MACROD2: variants seen among roughly 807,000 people sequenced by gnomAD.
The protein encoded by MACROD2 is mono-ADP ribosylhydrolase 2.
Under a neutral mutation model 70.4 loss-of-function variants are expected in MACROD2, and 36 were observed. That is an observed-to-expected ratio of 0.51 (90% confidence interval 0.39 to 0.68). The LOEUF (loss-of-function observed/expected upper bound fraction) is 0.68. MACROD2 is among the 30% of genes least tolerant of loss of function. The probability of loss-of-function intolerance (pLI) is 0.00; values close to 1 mark genes in which losing one functional copy is unlikely to be tolerated. For missense variants in MACROD2, 496 were observed against 538.4 expected, an observed-to-expected ratio of 0.92 and a Z score of 0.78; for synonymous variants, 172 against 178.8, an observed-to-expected ratio of 0.96 and a Z score of 0.30.
chr20:14,784,597 T>G (rs1046153940), intron 5 of MACROD2, among the ~76,000 whole-genome samples: 1 of 147,374 alleles, frequency 6.8e-6, no homozygotes, highest in Non-Finnish European at 1.5e-5. Flanking sequence ...AGTAGATATT[T>G]GATAAATGCT....
intron 5 of MACROD2, among the ~76,000 whole-genome samples, chr20:14,800,590 C>T (rs1737087203): frequency 6.6e-6 from 1 of 152,038 alleles, no homozygotes; most frequent in East Asian, 1.9e-4. Context: ...TATATGTAAG[C>T]GTTCCACTGG....
At chr20:14,286,040 G>A (rs1342739198) in intron 3 of MACROD2, among the ~76,000 whole-genome samples, 1 of 151,470 alleles carries the variant, frequency 6.6e-6, no homozygotes, top group Non-Finnish European at 1.5e-5. Context: ...CAGGAACACT[G>A]TTAGGAGGTT....
intron 5 of MACROD2, among the ~76,000 whole-genome samples, chr20:15,175,534 A>G (rs1224322117): frequency 6.6e-6 from 1 of 152,222 alleles, no homozygotes. Context: ...GTATAATTAC[A>G]CTACTTAAAA....
At chr20:15,350,721 A>G (rs2023504) in intron 6 of MACROD2, among the ~76,000 whole-genome samples, 94,464 of 152,020 alleles carry the variant, frequency 0.62, 29,457 homozygotes, top group East Asian at 0.75. Context: ...TTCTTGCATT[A>G]TGATAAAAAA....
chr20:14,103,988 G>T (rs1031175337), intron 3 of MACROD2, among the ~76,000 whole-genome samples: 3 of 151,866 alleles, frequency 2.0e-5, no homozygotes, highest in Non-Finnish European at 4.4e-5. Context: ...ACTTTTTTAG[G>T]TACACACAGA....
At chr20:14,444,398 C>T (rs1412758983) in intron 3 of MACROD2, among the ~76,000 whole-genome samples, 2 of 152,044 alleles carry the variant, frequency 1.3e-5, no homozygotes, top group African/African-American at 4.8e-5. Context: ...CACTTGGCTG[C>T]TAGGACACCA....
intron 8 of MACROD2, among the ~76,000 whole-genome samples, chr20:15,836,173 G>A (rs1432466632): frequency 6.6e-6 from 1 of 152,166 alleles, no homozygotes; most frequent in East Asian, 1.9e-4. Context: ...TAATAATAGT[G>A]ACGTTTTACC....
intron 3 of MACROD2, among the ~76,000 whole-genome samples, chr20:14,176,148 A>G (rs1014959098): frequency 3.3e-5 from 5 of 152,124 alleles, no homozygotes; most frequent in Non-Finnish European, 1.5e-5. Context: ...TCTAACTTGA[A>G]CCTATTTTTC....
chr20:15,381,401 C>A lies in MACROD2; in HGVS notation c.541-50004C>A, dbSNP rs115251493. Among the ~76,000 whole-genome samples, 862 of 151,576 alleles carry A rather than the reference C, an allele frequency of 5.7e-3. 4 individuals are homozygous for A. Among genetic ancestry groups the A allele is most frequent in the African/African-American group, 0.02 (806 of 41,324 alleles). The stretch of plus-strand genomic sequence containing the variant: ...GGGGATACTGTGAATTGGTGTCTTA[C>A]TTCACTTTAAAAATCTAGGCCAGGC... On this transcript the variant is annotated intron_variant, in intron 6 of 17. Transcript: ENST00000684519.
chr20:14,854,217 G>A (rs939990695), intron 5 of MACROD2, among the ~76,000 whole-genome samples: 2 of 152,218 alleles, frequency 1.3e-5, no homozygotes, highest in African/African-American at 2.4e-5. Flanking sequence ...AGATAAGTAG[G>A]ATTCCCCTTT....
intron 14 of MACROD2, 126 bp downstream of exon 14, chr20:15,986,927 A>C: frequency 9.9e-7 from 1 of 1,012,690 alleles, no homozygotes; most frequent in Non-Finnish European, 1.5e-6. Context: ...GGAGGATAGC[A>C]ATAGTGTTCA....
chr20:14,468,162 C>A (rs763036920), intron 3 of MACROD2, among the ~76,000 whole-genome samples: 1 of 151,914 alleles, frequency 6.6e-6, no homozygotes, highest in African/African-American at 2.4e-5. Context: ...TCCTGAATAT[C>A]CTTTTTAATT....
At chr20:14,100,032 T>C (rs2054277562) in intron 3 of MACROD2, among the ~76,000 whole-genome samples, 1 of 152,098 alleles carries the variant, frequency 6.6e-6, no homozygotes, top group Non-Finnish European at 1.5e-5. Flanking sequence ...ATGTAGTTCC[T>C]ATTGAGTTCA....
At chr20:15,862,515 C>A (rs1029379212) in intron 8 of MACROD2, among the ~76,000 whole-genome samples, 1 of 152,014 alleles carries the variant, frequency 6.6e-6, no homozygotes, top group African/African-American at 2.4e-5. Flanking sequence ...TAGCATCTTT[C>A]CACCAAAGAG....
intron 6 of MACROD2, among the ~76,000 whole-genome samples, chr20:15,305,231 G>GTT (rs112879692): frequency 7.0e-4 from 104 of 147,780 alleles, no homozygotes; most frequent in Middle Eastern, 3.5e-3. Context: ...CCTTTTATTT[G>GTT]TTTTTTTTTT....
intron 10 of MACROD2, among the ~76,000 whole-genome samples, chr20:15,904,773 C>T (rs1396858749): frequency 6.7e-6 from 1 of 150,184 alleles, no homozygotes; most frequent in Admixed American, 6.7e-5. Context: ...CCCAGCTACT[C>T]GGGAGGCTGA....
At chr20:15,332,392 C>T (rs566522316) in intron 6 of MACROD2, among the ~76,000 whole-genome samples, 4 of 151,592 alleles carry the variant, frequency 2.6e-5, no homozygotes, top group South Asian at 2.1e-4. Context: ...AAAAATTAGG[C>T]GCAAGTAAAA....
chr20:15,974,250 A>C (rs1006021872), intron 13 of MACROD2, among the ~76,000 whole-genome samples: 2 of 152,168 alleles, frequency 1.3e-5, no homozygotes, highest in Non-Finnish European at 2.9e-5. Flanking sequence ...CCTTTCACCA[A>C]CATAAATTCC....
chr20:14,123,859 C>T (rs1009403804), intron 3 of MACROD2, among the ~76,000 whole-genome samples: 1 of 152,036 alleles, frequency 6.6e-6, no homozygotes, highest in Non-Finnish European at 1.5e-5. Context: ...GTAAAATTCC[C>T]CTGAAATTTG....
Sources: gnomAD v4.1 joint callset for allele counts (sites outside exome capture counted in the v4.1 genomes callset) on GRCh38, gnomAD v4.1.1 for gene constraint, MANE v1.5 for transcripts, NCBI Gene and HGNC (gene_info 2026-07-23, HGNC 2026-07-21) for gene names.